Variants in SCEL observed in about 807,000 individuals in gnomAD.
SCEL encodes sciellin.
A neutral mutation model predicts 117.6 loss-of-function variants in SCEL; 113 were observed. That is an observed-to-expected ratio of 0.96 (90% CI 0.83 to 1.12). SCEL has a LOEUF of 1.12. SCEL is among the 50% of genes most tolerant of loss of function. The pLI, the probability that SCEL is intolerant of heterozygous loss-of-function variation, is 0.00. For synonymous variants in SCEL, 270 were observed against 256.2 expected (o/e 1.05, Z -0.51); for missense variants, 785 against 810.8 (o/e 0.97, Z 0.39).
intron 1 of SCEL, among the ~76,000 whole-genome samples, chr13:77,553,975 G>A (rs1331724985): frequency 6.6e-6 from 1 of 152,064 alleles, no homozygotes; most frequent in Non-Finnish European, 1.5e-5. Context: ...GCAAACAGCT[G>A]CGGGTCCCTG....
At chr13:77,550,326 C>T (rs1164682759) in intron 1 of SCEL, among the ~76,000 whole-genome samples, 1 of 151,084 alleles carries the variant, frequency 6.6e-6, no homozygotes. Context: ...GCAGAGGTTG[C>T]AGTGCGGCAA....
chr13:77,624,773 G>T (rs892762971), intron 27 of SCEL, among the ~76,000 whole-genome samples: 5 of 152,186 alleles, frequency 3.3e-5, no homozygotes, highest in Non-Finnish European at 5.9e-5. Context: ...GGATATGGTG[G>T]ACACTATGTC....
intron 27 of SCEL, among the ~76,000 whole-genome samples, chr13:77,619,298 T>A (rs542689736): frequency 6.6e-6 from 1 of 152,316 alleles, no homozygotes; most frequent in East Asian, 1.9e-4. Flanking sequence ...GACTGGCAAT[T>A]CATGTACATT....
chr13:77,643,719 A>G (rs1325348152), intron 32 of SCEL, among the ~76,000 whole-genome samples: 1 of 152,146 alleles, frequency 6.6e-6, no homozygotes, highest in Admixed American at 6.6e-5. Context: ...TCTGAAAAAA[A>G]TATCAGAAAC....
At chr13:77,605,941 G>A (rs1200878905) in intron 19 of SCEL, among the ~76,000 whole-genome samples, 1 of 152,074 alleles carries the variant, frequency 6.6e-6, no homozygotes, top group Non-Finnish European at 1.5e-5. Flanking sequence ...GAGCCGAGAT[G>A]GTGCCACCAC....
At chr13:77,614,466 T>C (rs1156834934) in intron 24 of SCEL, among the ~76,000 whole-genome samples, 2 of 152,184 alleles carry the variant, frequency 1.3e-5, no homozygotes. Context: ...ACCTAAAGTT[T>C]AATAATTCTT....
intron 9 of SCEL, among the ~76,000 whole-genome samples, chr13:77,587,403 T>C (rs1282777382): frequency 6.6e-6 from 1 of 152,130 alleles, no homozygotes; most frequent in Non-Finnish European, 1.5e-5. Context: ...CTACATGCTG[T>C]AGTAACCTTC....
At chr13:77,585,205 T>C (rs1042261972) in intron 9 of SCEL, among the ~76,000 whole-genome samples, 2 of 152,216 alleles carry the variant, frequency 1.3e-5, no homozygotes, top group Non-Finnish European at 2.9e-5. Flanking sequence ...CAGTTCAGTG[T>C]GGGAACAGAA....
At chr13:77,604,295 A>G in intron 18 of SCEL, 61 bp from the exon 19 acceptor site, 1 of 1,031,104 alleles carries the variant, frequency 9.7e-7, no homozygotes, top group Non-Finnish European at 1.4e-6. Context: ...TCCAGCCATT[A>G]TTCATCTGAT....
intron 27 of SCEL, among the ~76,000 whole-genome samples, chr13:77,625,539 A>G (rs1286463983): frequency 6.6e-6 from 1 of 152,224 alleles, no homozygotes; most frequent in Admixed American, 6.5e-5. Flanking sequence ...TTTTACCTGC[A>G]TTAATTGGCA....
chr13:77,627,923 A>G (rs780274542), intron 27 of SCEL, 24 bp from the exon 28 acceptor site: 2 of 951,790 alleles, frequency 2.1e-6, no homozygotes, highest in South Asian at 3.5e-5. Context: ...GTAATTATTC[A>G]TATATATATA....
At chr13:77,547,946 G>A (rs536877518) in intron 1 of SCEL, among the ~76,000 whole-genome samples, 2 of 152,086 alleles carry the variant, frequency 1.3e-5, no homozygotes, top group African/African-American at 2.4e-5. Context: ...TCTTTCCCTG[G>A]GACTTCCCAG....
At chr13:77,557,412 T>C (rs1395591800) in intron 3 of SCEL, among the ~76,000 whole-genome samples, 2 of 152,240 alleles carry the variant, frequency 1.3e-5, no homozygotes, top group African/African-American at 4.8e-5. Flanking sequence ...ATAAATTATG[T>C]AGACATTTTA....
chr13:77,632,228 T>C (rs2090057404), intron 28 of SCEL, among the ~76,000 whole-genome samples: 1 of 152,244 alleles, frequency 6.6e-6, no homozygotes, highest in African/African-American at 2.4e-5. Context: ...GGCAAATCAC[T>C]TATCTCTCCT....
intron 8 of SCEL, among the ~76,000 whole-genome samples, chr13:77,570,672 C>T (rs889072414): frequency 6.6e-6 from 1 of 152,112 alleles, no homozygotes; most frequent in Non-Finnish European, 1.5e-5. Flanking sequence ...ATCTGAATAT[C>T]TTCAGTTTTC....
intron 22 of SCEL, among the ~76,000 whole-genome samples, chr13:77,611,378 T>C (rs9530671): frequency 0.085 from 12,987 of 152,274 alleles, 712 homozygotes; most frequent in East Asian, 0.15. Flanking sequence ...AATCTGACTG[T>C]AGTTGAAGTG....
At position 77,597,527 on chromosome 13, in the gene SCEL, T is replaced by A. The variant is rs750901694; in HGVS notation, c.753-18T>A. 1 of 1,458,966 alleles carries A rather than the reference T, an allele frequency of 6.9e-7. No homozygotes were observed. Among genetic ancestry groups the A allele is most frequent in the South Asian group, 1.3e-5 (1 of 79,858 alleles). 90.4% of individuals were successfully genotyped at this position (1,458,966 alleles called of 1,614,324 possible). A position where few individuals can be genotyped will look rare whatever the true frequency, so the allele number is the denominator to read the frequency against. ...CAAGCTTTTTACTAATGTTAAACATTTTTTTCTCTTCCCAAAGTGAAGAAT... is the reference window on the plus strand; with the variant it reads ...CAAGCTTTTTACTAATGTTAAACATATTTTTCTCTTCCCAAAGTGAAGAAT... On this transcript the variant is annotated intron_variant, in intron 12 of 32. Transcript: ENST00000349847.
chr13:77,567,226 G>A (rs1182597471), intron 5 of SCEL, among the ~76,000 whole-genome samples: 1 of 152,204 alleles, frequency 6.6e-6, no homozygotes. Context: ...GGTGGAGGCG[G>A]ATGGGTTACC....
At chr13:77,582,621 G>A (rs957758387) in intron 9 of SCEL, among the ~76,000 whole-genome samples, 5 of 152,182 alleles carry the variant, frequency 3.3e-5, no homozygotes, top group African/African-American at 1.2e-4. Context: ...GTGCTTGGAA[G>A]TCCTTTGTCA....
Sources: allele counts gnomAD v4.1 joint callset (sites outside exome capture counted in the v4.1 genomes callset), GRCh38; gene constraint gnomAD v4.1.1; transcripts MANE v1.5; gene names NCBI Gene and HGNC (gene_info 2026-07-23, HGNC 2026-07-21).